Variants in RRP12 observed in about 807,000 individuals in gnomAD.
RRP12 encodes ribosomal RNA processing 12 homolog.
In RRP12, 78 loss-of-function variants were observed where a neutral mutation model predicts 157.3. The ratio of observed to expected loss-of-function variants is 0.50; its 90% CI spans 0.41 to 0.60. The LOEUF (loss-of-function observed/expected upper bound fraction) is 0.60. RRP12 is among the 20% of genes least tolerant of loss of function. The pLI is 0.00. For missense variants in RRP12, 1,521 were observed against 1,679.9 expected (o/e 0.91, Z 1.65); for synonymous variants, 726 against 670.9 (o/e 1.08, Z -1.27).
chr10:97,385,362 T>C (rs1223696347), intron 9 of RRP12, 105 bp from the exon 10 acceptor site: 3 of 896,832 alleles, frequency 3.3e-6, no homozygotes, highest in Non-Finnish European at 5.4e-6. Context: ...GGGACAGTGC[T>C]TGTGACCCTA....
At chr10:97,363,760 G>A in intron 30 of RRP12, 94 bp downstream of exon 30, 2 of 1,136,716 alleles carry the variant, frequency 1.8e-6, no homozygotes, top group South Asian at 1.2e-5. Flanking sequence ...CAGAAACAGG[G>A]CAGTTCCAAT....
intron 3 of RRP12, among the ~76,000 whole-genome samples, chr10:97,395,368 A>G (rs11189197): frequency 0.38 from 57,464 of 150,946 alleles, 11,376 homozygotes; most frequent in African/African-American, 0.49. Context: ...CCGGGCCAAC[A>G]TGGTGAAACC....
intron 3 of RRP12, among the ~76,000 whole-genome samples, chr10:97,394,158 C>T (rs1043428636): frequency 2.3e-4 from 35 of 152,018 alleles, no homozygotes; most frequent in African/African-American, 7.0e-4. Context: ...CTGGCTAACA[C>T]GGTGAAACAC....
intron 25 of RRP12, among the ~76,000 whole-genome samples, chr10:97,369,044 G>C (rs1844065238): frequency 6.6e-6 from 1 of 152,000 alleles, no homozygotes; most frequent in Non-Finnish European, 1.5e-5. Flanking sequence ...AGGTCAAAAT[G>C]CAAGATGGGA....
At chr10:97,375,891 G>A (rs1844291734) in intron 15 of RRP12, among the ~76,000 whole-genome samples, 1 of 152,178 alleles carries the variant, frequency 6.6e-6, no homozygotes, top group Non-Finnish European at 1.5e-5. Context: ...ATCACTTGAG[G>A]TCAGGAGTCC....
In RRP12 at chr10:97,362,812, T is replaced by G. The variant is rs1416124960; in HGVS notation, c.3567+1042A>C. ...AGAATTCTGCGCTGTCACAATGCTCTAATAACAAACTCCTCCTCGGGCCAC... is the reference window on the plus strand; with the variant it reads ...AGAATTCTGCGCTGTCACAATGCTCGAATAACAAACTCCTCCTCGGGCCAC... On this transcript the variant is annotated intron_variant, in intron 30 of 33. Transcript: ENST00000370992. 2.0e-5 allele frequency among the ~76,000 whole-genome samples: 3 copies of G among 152,312 alleles called. No individual in the cohort carries two copies. The East Asian group carries it at 5.8e-4, about 29-fold the overall frequency.
chr10:97,398,737 T>C (rs768043106), intron 2 of RRP12, among the ~76,000 whole-genome samples: 5 of 152,138 alleles, frequency 3.3e-5, no homozygotes, highest in Non-Finnish European at 5.9e-5. Context: ...ACCTGGCAAA[T>C]AGGTTCGTAG....
At chr10:97,394,517 G>A (rs1844900333) in intron 3 of RRP12, among the ~76,000 whole-genome samples, 1 of 152,086 alleles carries the variant, frequency 6.6e-6, no homozygotes, top group Non-Finnish European at 1.5e-5. Flanking sequence ...AACTTCCCAA[G>A]CAGCTAGAAC....
chr10:97,375,548 T>A (rs1464982366), intron 15 of RRP12, among the ~76,000 whole-genome samples: 12 of 152,124 alleles, frequency 7.9e-5, no homozygotes, highest in Non-Finnish European at 1.3e-4. Context: ...GTCTATCTTC[T>A]CAGGACAGAT....
In RRP12 at chr10:97,390,738, C is replaced by T; in HGVS notation, c.636+1G>A. 1 of 1,600,652 alleles carries T rather than the reference C, an allele frequency of 6.2e-7. No homozygotes were observed. The highest frequency in any genetic ancestry group is 2.2e-5 in the East Asian group (1 of 44,814). On this transcript the variant is annotated splice_donor_variant, in intron 5 of 33. Transcript: ENST00000370992. LOFTEE classifies it high-confidence loss of function. ...TGAGAAACTAAACCCCAGACACTAA[C>T]CCATCGGAGGACAGAGGTGGAGCCG...
At chr10:97,387,977 G>T in intron 8 of RRP12, 1 of 365,590 alleles carries the variant, frequency 2.7e-6, no homozygotes, top group Non-Finnish European at 4.9e-6. Context: ...AATTGGTATA[G>T]GGTACATAGA....
Position 97,390,486 on chromosome 10 carries a change from G to A in RRP12, c.690C>T (p.Gly230=). ...LLRKQDLEAW[G]YPVTLQVYHG... ...GGTACACCTGAAGGGTCACGGGGTA[G>A]CCCCAGGCCTCCAGGTCTTGCTTCC... The change falls in exon 6 of 34, where the codon GGC becomes GGT. Residue 230 remains glycine, a synonymous_variant. Coordinates refer to ENST00000370992, the MANE Select transcript of RRP12 (RefSeq NM_015179.4). 6.2e-7 allele frequency: 1 copy of A among 1,614,122 alleles called. No individual in the cohort carries two copies. Among genetic ancestry groups the A allele is most frequent in the Non-Finnish European group, 8.5e-7 (1 of 1,180,030 alleles).
intron 2 of RRP12, among the ~76,000 whole-genome samples, chr10:97,398,694 G>T (rs1845054412): frequency 6.6e-6 from 1 of 151,850 alleles, no homozygotes; most frequent in Non-Finnish European, 1.5e-5. Flanking sequence ...TAAAATATTT[G>T]ATCTATTTAC....
chr10:97,394,009 A>T (rs563444870), intron 3 of RRP12, among the ~76,000 whole-genome samples: 1 of 152,314 alleles, frequency 6.6e-6, no homozygotes, highest in South Asian at 2.1e-4. Flanking sequence ...GGTTTAATTG[A>T]ATTAATATAT....
intron 3 of RRP12, among the ~76,000 whole-genome samples, chr10:97,394,363 C>CTA (rs879886759): frequency 2.0e-5 from 3 of 152,010 alleles, no homozygotes; most frequent in African/African-American, 7.2e-5. Flanking sequence ...AATAAATAAA[C>CTA]TATATATATG....
chr10:97,363,753 A>G, intron 30 of RRP12, 101 bp downstream of exon 30: 1 of 1,106,030 alleles, frequency 9.0e-7, no homozygotes, highest in East Asian at 2.3e-5. Flanking sequence ...AGCATTCCAG[A>G]AACAGGGCAG....
At chr10:97,388,965 C>T (rs1389661380) in intron 6 of RRP12, among the ~76,000 whole-genome samples, 2 of 152,228 alleles carry the variant, frequency 1.3e-5, no homozygotes, top group Admixed American at 1.3e-4. Context: ...CCAAGCCAGG[C>T]ACTGTTCTAG....
chr10:97,371,130 A>G lies in RRP12; in HGVS notation c.2344-49T>C, dbSNP rs915197. The G allele has an allele frequency of 0.02, 31,991 of 1,588,564 alleles. 3,315 individuals carry two copies. In the African/African-American group the frequency reaches 0.29, roughly 14 times the overall value. On this transcript the variant is annotated intron_variant, in intron 20 of 33. Coordinates refer to ENST00000370992, the MANE Select transcript of RRP12 (RefSeq NM_015179.4). Reference sequence around the variant, plus strand: ...GAGGCCTGGGGCTCACTCCCTGTCCAATGCTATCCACGGAGCATCCCCCAG... The same window carrying G: ...GAGGCCTGGGGCTCACTCCCTGTCCGATGCTATCCACGGAGCATCCCCCAG...
At chr10:97,364,679 T>C (rs1274294886) in intron 29 of RRP12, among the ~76,000 whole-genome samples, 1 of 152,220 alleles carries the variant, frequency 6.6e-6, no homozygotes, top group African/African-American at 2.4e-5. Flanking sequence ...ATCGAGCCAC[T>C]GCACTCCAGC....
Sources: allele counts gnomAD v4.1 joint callset (sites outside exome capture counted in the v4.1 genomes callset), GRCh38; gene constraint gnomAD v4.1.1; transcripts MANE v1.5; gene names NCBI Gene and HGNC (gene_info 2026-07-23, HGNC 2026-07-21).